Variants in ADGRV1 observed in about 807,000 individuals in gnomAD.
ADGRV1 encodes the protein G-protein coupled receptor 98.
Under a neutral mutation model 596.2 loss-of-function variants are expected in ADGRV1, and 359 were observed. The observed-to-expected ratio is 0.60, with a 90% CI of 0.55 to 0.66. The LOEUF (loss-of-function observed/expected upper bound fraction) is 0.66. Among genes scored for constraint, ADGRV1 ranks in the 30% least tolerant of loss-of-function variants. ADGRV1 has a pLI of 0.00. For missense variants in ADGRV1, 7,274 were observed against 7,575.6 expected, an observed-to-expected ratio of 0.96 and a Z score of 1.48; for synonymous variants, 2,681 against 2,679.2, an observed-to-expected ratio of 1.00 and a Z score of -0.02.
chr5:91,036,207 G>A (rs1784898637), intron 85 of ADGRV1, among the ~76,000 whole-genome samples: 1 of 151,856 alleles, frequency 6.6e-6, no homozygotes. Flanking sequence ...CATTTCAAGA[G>A]CTATGTTAAA....
chr5:91,133,216 G>A (rs1208586025), intron 87 of ADGRV1, among the ~76,000 whole-genome samples: 2 of 152,214 alleles, frequency 1.3e-5, no homozygotes, highest in African/African-American at 2.4e-5. Flanking sequence ...TATTAGCAAT[G>A]TACTTGAAGA....
In ADGRV1 at chr5:90,759,654, A is replaced by G. The variant is rs552929128; in HGVS notation, c.12120+66A>G. The G allele has an allele frequency of 6.8e-5, 97 of 1,426,862 alleles. 1 individual carries two copies. In the South Asian group the frequency reaches 1.1e-3, roughly 16 times the overall value. The allele number at this position is 1,426,862 out of a possible 1,614,324, so 88.4% of individuals were successfully genotyped here. On this transcript the variant is annotated intron_variant, in intron 58 of 89. Coordinates refer to ENST00000405460, the MANE Select transcript of ADGRV1 (RefSeq NM_032119.4). The stretch of plus-strand genomic sequence containing the variant: ...GCGTTTCATGTAATTTTGAGTAGAA[A>G]GTGTCTCACATTTTTGTTTTGGAAG...
intron 87 of ADGRV1, among the ~76,000 whole-genome samples, chr5:91,142,490 T>A (rs1005147253): frequency 6.6e-6 from 1 of 152,226 alleles, no homozygotes; most frequent in Non-Finnish European, 1.5e-5. Context: ...AACCTGAAGA[T>A]GTCCCTCAAC....
chr5:90,566,433 GC>G lies in ADGRV1; in HGVS notation c.22+7517del, dbSNP rs112794486. 6.4e-3 allele frequency among the ~76,000 whole-genome samples: 979 copies of G among 152,018 alleles called. 12 individuals are homozygous for G. Among genetic ancestry groups the G allele is most frequent in the African/African-American group, 0.022 (930 of 41,496 alleles). On this transcript the variant is annotated intron_variant, in intron 1 of 89. Transcript: ENST00000405460. ...ATTCTTTTTTCATTGAATTGGCTAG[GC>G]TTCACTGTCAAAAATTAATTGACTA...
chr5:90,739,622 G>A (rs1173915262), intron 50 of ADGRV1, among the ~76,000 whole-genome samples: 1 of 152,230 alleles, frequency 6.6e-6, no homozygotes, highest in African/African-American at 2.4e-5. Flanking sequence ...GGGGTCTTCA[G>A]TAAGTCAGAG....
intron 85 of ADGRV1, among the ~76,000 whole-genome samples, chr5:91,057,290 TAAAGA>T (rs1197456752): frequency 2.0e-5 from 3 of 152,090 alleles, no homozygotes; most frequent in African/African-American, 4.8e-5. Flanking sequence ...AGAAAAAAAA[TAAAGA>T]AAAGAACAAA....
chr5:90,841,061 C>T (rs1185494920), intron 78 of ADGRV1, 76 bp downstream of exon 78: 1 of 990,400 alleles, frequency 1.0e-6, no homozygotes, highest in African/African-American at 1.6e-5. Context: ...ACCAAAATCA[C>T]ATTCTCTTTT....
chr5:91,051,129 A>G (rs1391466488), intron 85 of ADGRV1, among the ~76,000 whole-genome samples: 2 of 152,228 alleles, frequency 1.3e-5, no homozygotes, highest in Non-Finnish European at 2.9e-5. Flanking sequence ...CAAAAACCCT[A>G]AAAGGCTCCT....
chr5:90,921,458 AG>A (rs1773868543), intron 83 of ADGRV1, among the ~76,000 whole-genome samples: 1 of 152,132 alleles, frequency 6.6e-6, no homozygotes, highest in Admixed American at 6.6e-5. Flanking sequence ...TCTCAGATCC[AG>A]GACTGTCTAA....
rs1277911102 is a variant in ADGRV1, at chr5:91,006,221, G to A, written c.18152+20699G>A. On this transcript the variant is annotated intron_variant, in intron 85 of 89. Transcript: ENST00000405460. ...TACTACACAAGTTATACCCTGTGAC[G>A]TCTGAAGGGGAATACAGGTACAGAG... is the stretch of plus-strand genomic sequence containing the variant. Among the ~76,000 whole-genome samples, 3 of 152,114 alleles carry A rather than the reference G, an allele frequency of 2.0e-5. No individual in the cohort carries two copies. In the East Asian group the frequency reaches 5.8e-4, roughly 29 times the overall value.
At chr5:90,697,811 A>C (rs1432815300) in intron 34 of ADGRV1, among the ~76,000 whole-genome samples, 1 of 152,152 alleles carries the variant, frequency 6.6e-6, no homozygotes, top group African/African-American at 2.4e-5. Flanking sequence ...TTTTGGGGTA[A>C]ATAGGTATTG....
intron 1 of ADGRV1, among the ~76,000 whole-genome samples, chr5:90,592,048 A>G (rs1426431042): frequency 4.6e-5 from 7 of 152,232 alleles, no homozygotes; most frequent in South Asian, 4.1e-4. Context: ...TGTTTGGACT[A>G]TGGAAAACAG....
At chr5:91,122,017 GTGT>G (rs1446822640) in intron 87 of ADGRV1, among the ~76,000 whole-genome samples, 1 of 151,372 alleles carries the variant, frequency 6.6e-6, no homozygotes, top group Admixed American at 6.6e-5. Flanking sequence ...AACTTCAAAA[GTGT>G]TGTATTTACC....
In ADGRV1 at chr5:90,635,040, C is replaced by T; in HGVS notation, c.1840-74C>T. The stretch of plus-strand genomic sequence containing the variant: ...TCTACCTACGCTTACTTTGTCACCC[C>T]ATGCTGTTAAGCTTTTTTAAAAAAT... On this transcript the variant is annotated intron_variant, in intron 9 of 89. Transcript: ENST00000405460. The T allele has an allele frequency of 7.9e-6, 7 of 890,974 alleles. No homozygotes were observed. The Admixed American group carries it at 1.4e-4, about 18-fold the overall frequency. The allele number at this position is 890,974 out of a possible 1,614,324, so 55.2% of individuals were successfully genotyped here.
In ADGRV1 at chr5:90,712,054, C is replaced by T. The variant is rs559058958; in HGVS notation, c.9043-233C>T. ...CAGCCCGCCTCGGCCTCACATAGTG[C>T]TGGGATTACAGGCGTGAGCCAATGC... is the stretch of plus-strand genomic sequence containing the variant. On this transcript the variant is annotated intron_variant, in intron 41 of 89. Transcript: ENST00000405460. 2.6e-5 allele frequency among the ~76,000 whole-genome samples: 4 copies of T among 152,304 alleles called. No individual in the cohort carries two copies. The South Asian group carries it at 8.3e-4, about 32-fold the overall frequency.
chr5:90,764,158 A>G (rs942813043), intron 59 of ADGRV1, among the ~76,000 whole-genome samples: 1 of 152,170 alleles, frequency 6.6e-6, no homozygotes, highest in South Asian at 2.1e-4. Context: ...CCCGTGTTGC[A>G]GGACTCATGA....
chr5:90,725,657 G>A lies in ADGRV1; in HGVS notation c.10161+1G>A. On this transcript the variant is annotated splice_donor_variant, in intron 48 of 89. Coordinates refer to ENST00000405460, the MANE Select transcript of ADGRV1 (RefSeq NM_032119.4). LOFTEE classifies it high-confidence loss of function. ...AAGAGATGATTCCGAATTAACTCAGGTTTGATTCTTTTAAAATGAAGTGGG... is the reference window on the plus strand; with the variant it reads ...AAGAGATGATTCCGAATTAACTCAGATTTGATTCTTTTAAAATGAAGTGGG... 1 of 1,420,652 alleles carries A rather than the reference G, an allele frequency of 7.0e-7. No individual in the cohort carries two copies. Among genetic ancestry groups the A allele is most frequent in the Non-Finnish European group, 9.8e-7 (1 of 1,020,900 alleles). 88.0% of individuals were successfully genotyped at this position (1,420,652 alleles called of 1,614,324 possible).
In ADGRV1 at chr5:90,647,501, C is replaced by T. The variant is rs1483242812; in HGVS notation, c.3026C>T (p.Pro1009Leu). The T allele has an allele frequency of 2.5e-6, 4 of 1,609,456 alleles. No individual in the cohort carries two copies. The African/African-American group carries it at 5.4e-5, about 22-fold the overall frequency. Residue 1009 changes from proline to leucine, a missense_variant, in exon 17 of 90, where the codon CCT (proline) becomes CTT (leucine). Around this residue, in one of 5 missense-constraint regions of ADGRV1, gnomAD observed 1,715 missense variants for 1,708.8 expected, o/e 1.00. Transcript: ENST00000405460. ...RNDDPIYFAE[P>L]RVVRVQEGET... ...TCTTTCTTTGTGGATATTTCAGAAC[C>T]TCGTGTAGTGAGGGTTCAGGAAGGT...
At chr5:90,848,935 A>G (rs757544572) in intron 79 of ADGRV1, 114 bp downstream of exon 79, 96 of 696,268 alleles carry the variant, frequency 1.4e-4, no homozygotes, top group Non-Finnish European at 2.1e-4. Context: ...TGATACAGTC[A>G]ATGCATTGTA....
Sources: gnomAD v4.1 joint callset for allele counts (sites outside exome capture counted in the v4.1 genomes callset) on GRCh38, gnomAD v4.1.1 for gene constraint, gnomAD v4.1.1 regional missense constraint, MANE v1.5 for transcripts, NCBI Gene and HGNC (gene_info 2026-07-23, HGNC 2026-07-21) for gene names.